Variants in GFOD2 observed in about 807,000 individuals in gnomAD.
GFOD2 encodes glucose-fructose oxidoreductase domain-containing protein 2.
A neutral mutation model predicts 24.6 loss-of-function variants in GFOD2; 9 were observed. The observed-to-expected ratio is 0.37, with a 90% CI of 0.22 to 0.64. The LOEUF is 0.64. Ranked by LOEUF, GFOD2 falls within the 30% of genes least tolerant of loss-of-function variation. The pLI is 0.65. For synonymous variants in GFOD2, 211 were observed against 224.8 expected, an observed-to-expected ratio of 0.94 and a Z score of 0.55; for missense variants, 476 against 532.5, an observed-to-expected ratio of 0.89 and a Z score of 1.04.
chr16:67,701,459 C>A (rs537566045), intron 1 of GFOD2, among the ~76,000 whole-genome samples: 1 of 152,246 alleles, frequency 6.6e-6, no homozygotes, highest in African/African-American at 2.4e-5. Flanking sequence ...CCACAATGAA[C>A]AAATCTCAAA....
At chr16:67,681,231 T>C in intron 2 of GFOD2, 2 of 985,438 alleles carry the variant, frequency 2.0e-6, no homozygotes, top group Non-Finnish European at 2.4e-6. Flanking sequence ...AGCCTCCTGC[T>C]ATAATGCCTC....
intron 1 of GFOD2, among the ~76,000 whole-genome samples, chr16:67,687,835 C>T (rs1048852352): frequency 6.7e-6 from 1 of 148,668 alleles, no homozygotes; most frequent in Non-Finnish European, 1.5e-5. Flanking sequence ...AAAAATTAGC[C>T]TGGCATGGTG....
chr16:67,675,928 C>CA lies in GFOD2; in HGVS notation c.384dup (p.Ala129CysfsTer21), dbSNP rs1317514191. 1.9e-6 allele frequency: 3 copies of CA among 1,614,126 alleles called. No individual in the cohort carries two copies. Among genetic ancestry groups the CA allele is most frequent in the Non-Finnish European group, 2.5e-6 (3 of 1,180,056 alleles). On this transcript the variant is annotated frameshift_variant, in exon 3 of 3. Transcript: ENST00000268797. LOFTEE classifies it high-confidence loss of function. ...ATCAGCTGTTTCATGCGCACGAAGG[C>CA]AGGCAGGAAGCGCAGCACGTTCCCT...
At chr16:67,685,348 C>T in intron 2 of GFOD2, 109 bp downstream of exon 2, 1 of 1,537,480 alleles carries the variant, frequency 6.5e-7, no homozygotes, top group South Asian at 1.2e-5. Context: ...AGTTCTCCTC[C>T]CTGCAGATGC....
rs2053181795 is a variant in GFOD2, at chr16:67,675,908, C to T, written c.405G>A (p.Gln135=). Residue 135 remains glutamine (Q), a synonymous_variant, in exon 3 of 3, where the codon CAG becomes CAA. Coordinates refer to ENST00000268797, the MANE Select transcript of GFOD2 (RefSeq NM_030819.4). ...RFLPAFVRMK[Q]LISEHYVGAV... ...CTCCCACATAGTGTTCCGAAATCAG[C>T]TGTTTCATGCGCACGAAGGCAGGCA... The T allele has an allele frequency of 6.2e-7, 1 of 1,614,106 alleles. No homozygotes were observed. The highest frequency in any genetic ancestry group is 1.3e-5 in the African/African-American group (1 of 74,942).
intron 1 of GFOD2, among the ~76,000 whole-genome samples, chr16:67,698,445 A>C (rs1434761326): frequency 1.3e-5 from 2 of 152,322 alleles, no homozygotes; most frequent in Non-Finnish European, 1.5e-5. Context: ...GACCTTGACT[A>C]ATGCAGGTAA....
At chr16:67,684,034 A>G in intron 2 of GFOD2, 1 of 334,672 alleles carries the variant, frequency 3.0e-6, no homozygotes, top group Non-Finnish European at 4.3e-6. Context: ...TTGAATGTCC[A>G]AAATGACATC....
chr16:67,714,804 T>C (rs554786643), intron 1 of GFOD2, among the ~76,000 whole-genome samples: 1 of 152,272 alleles, frequency 6.6e-6, no homozygotes, highest in South Asian at 2.1e-4. Context: ...ACAGAAGCTC[T>C]TGGGAATGAC....
intron 1 of GFOD2, among the ~76,000 whole-genome samples, chr16:67,693,477 G>GGT (rs2053332141): frequency 2.6e-5 from 4 of 152,050 alleles, no homozygotes; most frequent in Admixed American, 2.0e-4. Flanking sequence ...CCATCATGTT[G>GGT]CCCAAGCTGG....
At chr16:67,690,538 T>G (rs1348330782) in intron 1 of GFOD2, among the ~76,000 whole-genome samples, 1 of 152,026 alleles carries the variant, frequency 6.6e-6, no homozygotes, top group African/African-American at 2.4e-5. Context: ...TGAGCCACCA[T>G]GCCTGGCTTC....
chr16:67,675,558 A>G lies in GFOD2; in HGVS notation c.755T>C (p.Met252Thr), dbSNP rs772661861. 13 of 1,613,404 alleles carry G rather than the reference A, an allele frequency of 8.1e-6. No homozygotes were observed. Among genetic ancestry groups the G allele is most frequent in the South Asian group, 4.4e-5 (4 of 91,090 alleles). The change falls in exon 3 of 3, where the codon ATG (methionine) becomes ACG (threonine). Residue 252 changes from methionine (M) to threonine (T), a missense_variant. Transcript: ENST00000268797. ...GAGGCGTCCTGCAGAGCCTACCACC[A>G]TGACTTCATGCACAAAGGCGCCTGG... ...NMPGAFVHEV[M>T]VVGSAGRLVA...
At chr16:67,717,838 T>C (rs2053518068) in intron 1 of GFOD2, among the ~76,000 whole-genome samples, 1 of 144,662 alleles carries the variant, frequency 6.9e-6, no homozygotes, top group Non-Finnish European at 1.5e-5. Flanking sequence ...AGACCAATGA[T>C]TATTCCATGG....
intron 2 of GFOD2, among the ~76,000 whole-genome samples, chr16:67,679,598 C>T (rs1193570072): frequency 1.3e-5 from 2 of 150,362 alleles, no homozygotes; most frequent in South Asian, 2.2e-4. Flanking sequence ...TTTTAAGAGA[C>T]GGGGTCTTGG....
chr16:67,685,982 C>T (rs75682593), intron 1 of GFOD2, among the ~76,000 whole-genome samples, 180 bp from the exon 2 acceptor site: 2,472 of 152,100 alleles, frequency 0.016, 65 homozygotes, highest in African/African-American at 0.054. Flanking sequence ...TGAAATAGGG[C>T]TCGAGGCCAG....
At chr16:67,714,473 C>CAAAA (rs1265596335) in intron 1 of GFOD2, among the ~76,000 whole-genome samples, 4 of 53,684 alleles carry the variant, frequency 7.5e-5, no homozygotes, top group African/African-American at 2.1e-4. Flanking sequence ...AACACTGTCT[C>CAAAA]AAAAAAAAAA....
intron 1 of GFOD2, among the ~76,000 whole-genome samples, chr16:67,704,590 A>G (rs1444880215): frequency 1.3e-5 from 2 of 152,212 alleles, no homozygotes; most frequent in African/African-American, 4.8e-5. Flanking sequence ...AATGATATTT[A>G]TATTTGGCAC....
At chr16:67,691,473 G>T (rs138123711) in intron 1 of GFOD2, among the ~76,000 whole-genome samples, 1 of 150,620 alleles carries the variant, frequency 6.6e-6, no homozygotes, top group Non-Finnish European at 1.5e-5. Flanking sequence ...CTCCCAAAGC[G>T]CTAGGATTAC....
At chr16:67,682,701 G>T (rs2053236790) in intron 2 of GFOD2, 1 of 985,094 alleles carries the variant, frequency 1.0e-6, no homozygotes. Context: ...AATAATGAGG[G>T]CAAGAAATGA....
At chr16:67,709,881 G>C (rs1457161764) in intron 1 of GFOD2, among the ~76,000 whole-genome samples, 1 of 152,114 alleles carries the variant, frequency 6.6e-6, no homozygotes, top group Non-Finnish European at 1.5e-5. Context: ...GCCCGTCTCA[G>C]CCTCCCAAAG....
Sources: allele counts gnomAD v4.1 joint callset (sites outside exome capture counted in the v4.1 genomes callset), GRCh38; gene constraint gnomAD v4.1.1; transcripts MANE v1.5; gene names NCBI Gene and HGNC (gene_info 2026-07-23, HGNC 2026-07-21).